The following FRYL variants were observed in gnomAD, a reference collection of about 807,000 sequenced individuals.
The protein encoded by FRYL is protein furry homolog-like.
A neutral mutation model predicts 351.2 loss-of-function variants in FRYL; 150 were observed. The ratio of observed to expected loss-of-function variants is 0.43; its 90% confidence interval spans 0.37 to 0.49. FRYL has a LOEUF of 0.49. FRYL is among the 20% of genes least tolerant of loss of function. The pLI is 0.00. For missense variants in FRYL, 3,036 were observed against 3,619.3 expected (o/e 0.84, Z 4.13); for synonymous variants, 1,153 against 1,257.1 (o/e 0.92, Z 1.75).
At chr4:48,777,065 G>A (rs1417100368) in intron 1 of FRYL, among the ~76,000 whole-genome samples, 1 of 151,930 alleles carries the variant, frequency 6.6e-6, no homozygotes, top group East Asian at 1.9e-4. Context: ...AAACTATTTA[G>A]AGCAAGACTG....
intron 3 of FRYL, among the ~76,000 whole-genome samples, chr4:48,644,472 T>C (rs1190191666): frequency 8.0e-6 from 1 of 125,110 alleles, no homozygotes; most frequent in Non-Finnish European, 1.6e-5. Flanking sequence ...TCAGTAGACA[T>C]AAGTGTAGAT....
In FRYL at chr4:48,582,731, G is replaced by A. The variant is rs371947512; in HGVS notation, c.1752C>T (p.Leu584=). The change falls in exon 20 of 64, where the codon CTC becomes CTT. Residue 584 remains leucine (L), a synonymous_variant. Coordinates refer to ENST00000358350, the MANE Select transcript of FRYL (RefSeq NM_015030.2). ...GCAGTTCTTCATCCATATGAATTGT[G>A]AGCCTACCAAGAACAAAATTCCATT... ...RTDLIELLAR[L]TIHMDEELRA... is the part of the protein sequence containing the mutation. The A allele has an allele frequency of 5.7e-5, 92 of 1,611,350 alleles. No individual in the cohort carries two copies. Among genetic ancestry groups the A allele is most frequent in the Non-Finnish European group, 7.3e-5 (86 of 1,177,996 alleles).
chr4:48,676,547 ATT>A (rs60426434), intron 3 of FRYL, among the ~76,000 whole-genome samples: 21 of 136,042 alleles, frequency 1.5e-4, no homozygotes, highest in Non-Finnish European at 2.2e-4. Context: ...AGGCCCGGCT[ATT>A]TTTTTTTTTT....
At chr4:48,645,781 T>C (rs150673668) in intron 3 of FRYL, among the ~76,000 whole-genome samples, 2 of 152,304 alleles carry the variant, frequency 1.3e-5, no homozygotes, top group African/African-American at 2.4e-5. Context: ...TTAAAGTTGA[T>C]TGTGATCATT....
At chr4:48,528,528 TA>T (rs1305697557) in intron 50 of FRYL, among the ~76,000 whole-genome samples, 192 bp from the exon 51 acceptor site, 2 of 152,170 alleles carry the variant, frequency 1.3e-5, no homozygotes, top group Non-Finnish European at 2.9e-5. Flanking sequence ...CAAGAGACTT[TA>T]TTGGAAATAA....
intron 50 of FRYL, among the ~76,000 whole-genome samples, chr4:48,529,758 G>A (rs1227093704): frequency 2.0e-5 from 3 of 152,046 alleles, no homozygotes; most frequent in Non-Finnish European, 2.9e-5. Context: ...CTTGGCTTCC[G>A]AAAGACCACT....
chr4:48,680,183 A>C (rs973171706), intron 3 of FRYL, among the ~76,000 whole-genome samples: 3 of 152,018 alleles, frequency 2.0e-5, no homozygotes, highest in Non-Finnish European at 4.4e-5. Flanking sequence ...AAACTTGCAG[A>C]GGGTTTACAG....
intron 7 of FRYL, among the ~76,000 whole-genome samples, chr4:48,615,776 T>G (rs1749302629): frequency 6.6e-6 from 1 of 152,048 alleles, no homozygotes; most frequent in South Asian, 2.1e-4. Context: ...ATACTGGCCA[T>G]TTCCACTATT....
chr4:48,702,455 C>CAAAAAAAAAAA (rs34675617), intron 2 of FRYL, among the ~76,000 whole-genome samples: 2 of 29,450 alleles, frequency 6.8e-5, no homozygotes, highest in Admixed American at 6.1e-4. Flanking sequence ...GACTCTGTCT[C>CAAAAAAAAAAA]AAAAAAAAAA....
rs751005299 is a variant in FRYL at position 48,540,024 on chromosome 4, G to C, written c.6340C>G (p.His2114Asp). The change falls in exon 47 of 64, where the codon CAT becomes GAT. Residue 2114 changes from histidine (H) to aspartate (D), a missense_variant. His to Asp is a moderately conservative substitution (Grantham distance 81). Transcript: ENST00000358350. ...CAAAACTGAGTTGGGCTGTCAAAAT[G>C]CTGGATTAAGTGAGGCAATAAGCAA... ...ILCLLPHLIQHFDSPTQFCKE... is the reference protein window; with the variant it reads ...ILCLLPHLIQDFDSPTQFCKE... 2 of 1,613,310 alleles carry C rather than the reference G, an allele frequency of 1.2e-6. No individual in the cohort carries two copies. Among genetic ancestry groups the C allele is most frequent in the South Asian group, 1.1e-5 (1 of 91,022 alleles).
intron 1 of FRYL, among the ~76,000 whole-genome samples, chr4:48,714,571 G>A (rs1233650886): frequency 3.3e-5 from 5 of 149,414 alleles, no homozygotes; most frequent in African/African-American, 1.2e-4. Context: ...GACTAAACCA[G>A]GAAGAAGTTG....
rs376536557 is a variant in FRYL, at chr4:48,534,661, T to C, written c.6589A>G (p.Met2197Val). Residue 2197 changes from methionine to valine, a missense_variant, in exon 49 of 64, where the codon ATG becomes GTG. This residue lies in a region of FRYL where 1,987 missense variants were observed against 2,311.7 expected (regional missense o/e 0.86). Transcript: ENST00000358350. ...ATAATCTGTAGTAATGATTGCTGCA[T>C]ACTGGACAATCCTTTCTCTAACAGC... ...AELLEKGLSS[M>V]QQSLLQIIYS... 5.7e-6 allele frequency: 9 copies of C among 1,571,410 alleles called. No individual in the cohort carries two copies. The highest frequency in any genetic ancestry group is 2.2e-5 in the East Asian group (1 of 44,562).
chr4:48,575,904 T>G (rs1237013941), intron 24 of FRYL, 126 bp downstream of exon 24: 6 of 743,206 alleles, frequency 8.1e-6, no homozygotes, highest in Non-Finnish European at 1.0e-5. Flanking sequence ...GGTATTTTCC[T>G]TTTTGCAAGT....
At chr4:48,541,932 G>A in intron 45 of FRYL, 95 bp downstream of exon 45, 1 of 843,270 alleles carries the variant, frequency 1.2e-6, no homozygotes, top group East Asian at 2.4e-5. Flanking sequence ...GCAGTATTGT[G>A]CTTACTAACA....
chr4:48,622,022 A>T (rs1254061928), intron 5 of FRYL, among the ~76,000 whole-genome samples: 1 of 152,216 alleles, frequency 6.6e-6, no homozygotes, highest in African/African-American at 2.4e-5. Context: ...TATCTAAAGA[A>T]GGAACAATAA....
chr4:48,747,397 G>A (rs1396824057), intron 1 of FRYL, among the ~76,000 whole-genome samples: 1 of 152,180 alleles, frequency 6.6e-6, no homozygotes, highest in Non-Finnish European at 1.5e-5. Context: ...GGTGTAAACA[G>A]GATGCCAGAT....
At position 48,634,417 on chromosome 4, in the gene FRYL, AT is replaced by A. The variant is rs778768041; in HGVS notation, c.-8del. 2.6e-5 allele frequency: 42 copies of A among 1,597,384 alleles called. No homozygotes were observed. Among genetic ancestry groups the A allele is most frequent in the South Asian group, 4.4e-5 (4 of 90,738 alleles). On this transcript the variant is annotated 5_prime_UTR_variant, in exon 4 of 64. Transcript: ENST00000358350. The stretch of plus-strand genomic sequence containing the variant: ...CAATCGTAATGTTTGACATGATGAT[AT>A]TTTTTTTTCCCCAAGTGGAATGAAA...
At chr4:48,640,618 C>G (rs1367819454) in intron 3 of FRYL, among the ~76,000 whole-genome samples, 1 of 152,020 alleles carries the variant, frequency 6.6e-6, no homozygotes, top group Non-Finnish European at 1.5e-5. Context: ...ATGTGCAACC[C>G]AAAGAGTTAA....
rs755074310 is a variant in FRYL, at chr4:48,539,941, G to A, written c.6393+30C>T. On this transcript the variant is annotated intron_variant, in intron 47 of 63. Coordinates refer to ENST00000358350, the MANE Select transcript of FRYL (RefSeq NM_015030.2). Reference sequence around the variant, plus strand: ...TAGACTACAAAATAATTTCCCTATAGTGTTACCTTTCAGCATAACATTTGC... The same window carrying A: ...TAGACTACAAAATAATTTCCCTATAATGTTACCTTTCAGCATAACATTTGC... 64 of 1,463,528 alleles carry A rather than the reference G, an allele frequency of 4.4e-5. 1 individual carries two copies. The Admixed American group carries it at 6.6e-4, about 15-fold the overall frequency. 90.7% of individuals were successfully genotyped at this position (1,463,528 alleles called of 1,614,324 possible). A position where few individuals can be genotyped will look rare whatever the true frequency, so the allele number is the denominator to read the frequency against.
Sources: allele counts gnomAD v4.1 joint callset (sites outside exome capture counted in the v4.1 genomes callset), GRCh38; gene constraint gnomAD v4.1.1; regional missense constraint gnomAD v4.1.1; transcripts MANE v1.5; gene names NCBI Gene and HGNC (gene_info 2026-07-23, HGNC 2026-07-21).